KCNK12: variants seen among roughly 807,000 people sequenced by gnomAD.
KCNK12 encodes potassium channel subfamily K member 12.
In KCNK12, 6 loss-of-function variants were observed where a neutral mutation model predicts 25.3. That is an observed-to-expected ratio of 0.24 (90% confidence interval 0.13 to 0.47). KCNK12 has a LOEUF of 0.47. Ranked by LOEUF, KCNK12 falls within the 20% of genes least tolerant of loss-of-function variation. The probability of loss-of-function intolerance (pLI) is 0.99; values close to 1 mark genes in which losing one functional copy is unlikely to be tolerated. For missense variants in KCNK12, 444 were observed against 661.7 expected (o/e 0.67, Z 3.61); for synonymous variants, 331 against 311.1 (o/e 1.06, Z -0.67).
chr2:47,541,117 C>G (rs936038350), intron 1 of KCNK12, among the ~76,000 whole-genome samples: 1 of 152,194 alleles, frequency 6.6e-6, no homozygotes, highest in African/African-American at 2.4e-5. Flanking sequence ...CGTGGCCATT[C>G]ATTGCTGTAG....
chr2:47,563,905 G>A, intron 1 of KCNK12: 1 of 232,410 alleles, frequency 4.3e-6, no homozygotes, highest in Non-Finnish European at 8.5e-6. Context: ...TCTCTCAGCT[G>A]GCTTGGCCCA....
intron 1 of KCNK12, among the ~76,000 whole-genome samples, chr2:47,552,751 GA>G (rs1669464577): frequency 6.6e-6 from 1 of 151,554 alleles, no homozygotes; most frequent in South Asian, 2.1e-4. Flanking sequence ...CTGGATGACA[GA>G]GTGAGACTCT....
intron 1 of KCNK12, chr2:47,564,659 G>A (rs1347337475): frequency 1.1e-5 from 2 of 179,494 alleles, no homozygotes; most frequent in Non-Finnish European, 2.4e-5. Flanking sequence ...ATGAAGAGTT[G>A]TGTTAGTGCA....
intron 1 of KCNK12, among the ~76,000 whole-genome samples, chr2:47,549,807 G>A (rs559890382): frequency 2.9e-4 from 44 of 152,082 alleles, no homozygotes; most frequent in Non-Finnish European, 2.1e-4. Flanking sequence ...AGTGGCGGGC[G>A]CCTGTAATTC....
intron 1 of KCNK12, among the ~76,000 whole-genome samples, chr2:47,550,454 C>G (rs1669404866): frequency 7.3e-6 from 1 of 136,370 alleles, no homozygotes; most frequent in African/African-American, 3.0e-5. Flanking sequence ...ATGATCTTGG[C>G]TCTCTGCAAC....
Position 47,562,320 on chromosome 2 carries a change from C to G in KCNK12, c.391+7621G>C, listed in dbSNP as rs1411870722. Reference sequence around the variant, plus strand: ...GTGAACATTGTAAAATCTGCAATTACAAGATTCTGGATGCTTCATCCTGAG... The same window carrying G: ...GTGAACATTGTAAAATCTGCAATTAGAAGATTCTGGATGCTTCATCCTGAG... On this transcript the variant is annotated intron_variant, in intron 1 of 1. Coordinates refer to ENST00000327876, the MANE Select transcript of KCNK12 (RefSeq NM_022055.2). The surrounding 1 kb of genome is among the most constrained non-coding windows in gnomAD (Gnocchi z 4.8). 1 of 388,892 alleles carries G rather than the reference C, an allele frequency of 2.6e-6. No individual in the cohort carries two copies. The highest frequency in any genetic ancestry group is 4.5e-6 in the Non-Finnish European group (1 of 220,582). The allele number at this position is 388,892 out of a possible 1,614,324, so 24.1% of individuals were successfully genotyped here. A position where few individuals can be genotyped will look rare whatever the true frequency, so the allele number is the denominator to read the frequency against.
At chr2:47,544,900 A>G (rs1669279115) in intron 1 of KCNK12, among the ~76,000 whole-genome samples, 3 of 152,236 alleles carry the variant, frequency 2.0e-5, no homozygotes, top group African/African-American at 4.8e-5. Context: ...ATTCATCCAG[A>G]AAATAGACTC....
rs1168977869 is a variant in KCNK12, at chr2:47,569,768, G to T, written c.391+173C>A. 6.6e-6 allele frequency among the ~76,000 whole-genome samples: 1 copy of T among 151,314 alleles called. No homozygotes were observed. The highest frequency in any genetic ancestry group is 1.5e-5 in the Non-Finnish European group (1 of 67,710). ...TCTTCCCTCACTGAAAGCCGGGAGG[G>T]AGAGAGAGAGAGAGAACGGGGGCCG... On this transcript the variant is annotated intron_variant, in intron 1 of 1. Coordinates refer to ENST00000327876, the MANE Select transcript of KCNK12 (RefSeq NM_022055.2). This position sits in a 1 kb window ranked among gnomAD's most constrained non-coding sequence, Gnocchi z 4.1.
rs1668417349 is a variant in KCNK12, at chr2:47,512,153, GGT to G, written c.*8752_*8753del. Reference sequence around the variant, plus strand: ...CTTTCCATCCTGCATCCAGATGGCTGGTCCTGCTCCTCCCAGTCCATGGAGAA... The same window carrying G: ...CTTTCCATCCTGCATCCAGATGGCTGCCTGCTCCTCCCAGTCCATGGAGAA... On this transcript the variant is annotated 3_prime_UTR_variant, in exon 2 of 2. Transcript: ENST00000327876. The G allele has an allele frequency of 2.2e-6, 2 of 928,558 alleles. No individual in the cohort carries two copies. Among genetic ancestry groups the G allele is most frequent in the Non-Finnish European group, 3.1e-6 (2 of 640,202 alleles). 57.5% of individuals were successfully genotyped at this position (928,558 alleles called of 1,614,324 possible).
rs537881686 is a variant in KCNK12, at chr2:47,511,432, G to T, written c.*9475C>A. ...TATGTATTTGGACCAATGCTCTCATGTGTGCAAATACATGTATTCTAAAGA... is the reference window on the plus strand; with the variant it reads ...TATGTATTTGGACCAATGCTCTCATTTGTGCAAATACATGTATTCTAAAGA... On this transcript the variant is annotated 3_prime_UTR_variant, in exon 2 of 2. Coordinates refer to ENST00000327876, the MANE Select transcript of KCNK12 (RefSeq NM_022055.2). The surrounding 1 kb of genome is among the most constrained non-coding windows in gnomAD (Gnocchi z 4.3). Among the ~76,000 whole-genome samples, 35 of 152,316 alleles carry T rather than the reference G, an allele frequency of 2.3e-4. No individual in the cohort carries two copies. Among genetic ancestry groups the T allele is most frequent in the African/African-American group, 7.5e-4 (31 of 41,566 alleles).
chr2:47,513,953 G>A lies in KCNK12; in HGVS notation c.*6954C>T, dbSNP rs1373519856. On this transcript the variant is annotated 3_prime_UTR_variant, in exon 2 of 2. Transcript: ENST00000327876. ...CACTCCTGCATTCTGAGTCATTTTC[G>A]GCAGCACACGCATCCTTAAAACCCC... Among the ~76,000 whole-genome samples the A allele has an allele frequency of 2.0e-5, 3 of 151,992 alleles. No individual in the cohort carries two copies. Among genetic ancestry groups the A allele is most frequent in the Admixed American group, 1.3e-4 (2 of 15,256 alleles).
Position 47,510,293 on chromosome 2 carries a change from C to T in KCNK12, c.*10614G>A, listed in dbSNP as rs1369056111. On this transcript the variant is annotated 3_prime_UTR_variant, in exon 2 of 2. Transcript: ENST00000327876. ...TGGCATCACTGTCACTGCGCTAGCC[C>T]CAGACCACCTGCTCCAGAGTTCTGG... The T allele has an allele frequency of 1.3e-5, 2 of 152,116 alleles. No individual in the cohort carries two copies. Among genetic ancestry groups the T allele is most frequent in the Non-Finnish European group, 2.9e-5 (2 of 68,016 alleles). 9.4% of individuals were successfully genotyped at this position (152,116 alleles called of 1,614,324 possible).
rs1668434553 is a variant in KCNK12 at position 47,512,714 on chromosome 2, A to T, written c.*8193T>A. On this transcript the variant is annotated 3_prime_UTR_variant, in exon 2 of 2. Coordinates refer to ENST00000327876, the MANE Select transcript of KCNK12 (RefSeq NM_022055.2). ...TGCTGAGCAAACTACATTTCCCAGA[A>T]CTCCTTGTTGGATTCCTTCCAAACA... is the stretch of plus-strand genomic sequence containing the variant. The T allele has an allele frequency of 6.5e-6, 2 of 309,302 alleles. No individual in the cohort carries two copies. Among genetic ancestry groups the T allele is most frequent in the South Asian group, 1.3e-4 (2 of 14,912 alleles). 19.2% of individuals were successfully genotyped at this position (309,302 alleles called of 1,614,324 possible).
At chr2:47,559,402 A>G (rs1669617720) in intron 1 of KCNK12, among the ~76,000 whole-genome samples, 1 of 151,992 alleles carries the variant, frequency 6.6e-6, no homozygotes, top group Non-Finnish European at 1.5e-5. Context: ...CTCAGTTTTT[A>G]TTTTTTGTTG....
intron 1 of KCNK12, among the ~76,000 whole-genome samples, chr2:47,567,811 A>C (rs533858971): frequency 6.6e-6 from 1 of 152,342 alleles, no homozygotes; most frequent in South Asian, 2.1e-4. Context: ...ACGAATCAAG[A>C]AAGAGAATAT....
Position 47,516,142 on chromosome 2 carries a change from C to T in KCNK12, c.*4765G>A, listed in dbSNP as rs912066940. ...TCAGACCTCCTAGTTTCTAAGTGGA[C>T]GCTCTTTCTACACCACCATAATGTG... On this transcript the variant is annotated 3_prime_UTR_variant, in exon 2 of 2. Coordinates refer to ENST00000327876, the MANE Select transcript of KCNK12 (RefSeq NM_022055.2). Among the ~76,000 whole-genome samples, 5 of 152,102 alleles carry T rather than the reference C, an allele frequency of 3.3e-5. No individual in the cohort carries two copies. Among genetic ancestry groups the T allele is most frequent in the African/African-American group, 7.2e-5 (3 of 41,428 alleles).
Position 47,570,832 on chromosome 2 carries a change from C to G in KCNK12, c.-501G>C, listed in dbSNP as rs1669896844. The stretch of plus-strand genomic sequence containing the variant: ...CATGAGGCGTTCGGGATCGGCGCCT[C>G]CTAGGTGCGGGCTGTGCGGGCAGTC... On this transcript the variant is annotated 5_prime_UTR_variant, in exon 1 of 2. Coordinates refer to ENST00000327876, the MANE Select transcript of KCNK12 (RefSeq NM_022055.2). 2 of 152,238 alleles carry G rather than the reference C, an allele frequency of 1.3e-5. No homozygotes were observed. Among genetic ancestry groups the G allele is most frequent in the African/African-American group, 4.8e-5 (2 of 41,452 alleles). 9.4% of individuals were successfully genotyped at this position (152,238 alleles called of 1,614,324 possible). A position where few individuals can be genotyped will look rare whatever the true frequency, so the allele number is the denominator to read the frequency against.
At position 47,512,809 on chromosome 2, in the gene KCNK12, TC is replaced by T. The variant is rs1668436761; in HGVS notation, c.*8097del. On this transcript the variant is annotated 3_prime_UTR_variant, in exon 2 of 2. Coordinates refer to ENST00000327876, the MANE Select transcript of KCNK12 (RefSeq NM_022055.2). The stretch of plus-strand genomic sequence containing the variant: ...GGGAGGAAAGAGGAAGGGACTCACT[TC>T]CTGTTTCCAGCTGAAGTCTAAATCA... 5.3e-6 allele frequency: 1 copy of T among 190,104 alleles called. No homozygotes were observed. The highest frequency in any genetic ancestry group is 1.1e-5 in the Non-Finnish European group (1 of 90,692). 11.8% of individuals were successfully genotyped at this position (190,104 alleles called of 1,614,324 possible). A position where few individuals can be genotyped will look rare whatever the true frequency, so the allele number is the denominator to read the frequency against.
intron 1 of KCNK12, among the ~76,000 whole-genome samples, chr2:47,546,770 A>T (rs1669323116): frequency 6.6e-6 from 1 of 152,236 alleles, no homozygotes; most frequent in South Asian, 2.1e-4. Context: ...ATAAAGGTGT[A>T]AACTAGCAAT....
Sources: allele counts gnomAD v4.1 joint callset (sites outside exome capture counted in the v4.1 genomes callset), GRCh38; gene constraint gnomAD v4.1.1; non-coding constraint Gnocchi (gnomAD v3.1); transcripts MANE v1.5; gene names NCBI Gene and HGNC (gene_info 2026-07-23, HGNC 2026-07-21).